Variants in EPHA6 observed in about 807,000 individuals in gnomAD.
EPHA6 encodes EPH receptor A6, also known as ephrin type-A receptor 6.
A neutral mutation model predicts 112.0 loss-of-function variants in EPHA6; 50 were observed. That is an observed-to-expected ratio of 0.45 (90% CI 0.36 to 0.56). The LOEUF (loss-of-function observed/expected upper bound fraction) is 0.56, where lower values mean the gene tolerates loss of function less well. Ranked by LOEUF, EPHA6 falls within the 20% of genes least tolerant of loss-of-function variation. The pLI is 0.00. For synonymous variants in EPHA6, 529 were observed against 490.7 expected (o/e 1.08, Z -1.03); for missense variants, 1,280 against 1,417.4 (o/e 0.90, Z 1.56).
intron 3 of EPHA6, among the ~76,000 whole-genome samples, chr3:97,129,137 G>C (rs2048265193): frequency 6.6e-6 from 1 of 151,974 alleles, no homozygotes; most frequent in Admixed American, 6.6e-5. Flanking sequence ...GATTATAGGA[G>C]TGAGCCACCG....
intron 3 of EPHA6, among the ~76,000 whole-genome samples, chr3:97,128,935 G>A (rs1285987649): frequency 1.4e-5 from 2 of 146,168 alleles, no homozygotes; most frequent in Non-Finnish European, 3.0e-5. Context: ...GTGCAGTGGT[G>A]CAACCTCAGC....
chr3:97,098,100 A>G (rs546713167), intron 3 of EPHA6, among the ~76,000 whole-genome samples: 1 of 152,036 alleles, frequency 6.6e-6, no homozygotes, highest in East Asian at 1.9e-4. Context: ...GTTGGAATTA[A>G]CAAAGTTCTC....
intron 2 of EPHA6, among the ~76,000 whole-genome samples, chr3:96,887,249 CTGT>C (rs1177696513): frequency 6.6e-6 from 1 of 152,118 alleles, no homozygotes; most frequent in Non-Finnish European, 1.5e-5. Context: ...AGGCTGAAGG[CTGT>C]TGTTCAGATT....
At chr3:97,628,131 G>T (rs979742559) in intron 13 of EPHA6, among the ~76,000 whole-genome samples, 2 of 152,006 alleles carry the variant, frequency 1.3e-5, no homozygotes, top group Non-Finnish European at 2.9e-5. Context: ...ACAAATAGAT[G>T]CAGGGAAATT....
chr3:97,402,253 T>C (rs2087038074), intron 5 of EPHA6, among the ~76,000 whole-genome samples: 2 of 152,188 alleles, frequency 1.3e-5, no homozygotes, highest in East Asian at 1.9e-4. Flanking sequence ...GAGTAGGGTG[T>C]TGAAGTCCCC....
intron 3 of EPHA6, among the ~76,000 whole-genome samples, chr3:97,003,745 G>A (rs2043763914): frequency 1.3e-5 from 2 of 151,970 alleles, no homozygotes; most frequent in African/African-American, 4.8e-5. Flanking sequence ...TGCCATGGTG[G>A]TTTGCTGCCC....
In EPHA6 at chr3:97,622,457, C is replaced by A. The variant is rs76629569; in HGVS notation, c.2574+11603C>A. Among the ~76,000 whole-genome samples, 6 of 151,794 alleles carry A rather than the reference C, an allele frequency of 4.0e-5. No individual in the cohort carries two copies. In the East Asian group the frequency reaches 7.8e-4, roughly 20 times the overall value. ...TCTTTTTAAGGATAAATGATATTCC[C>A]TTGTATGTATATGCCACATTTTGCT... On this transcript the variant is annotated intron_variant, in intron 13 of 17. Transcript: ENST00000389672.
intron 3 of EPHA6, among the ~76,000 whole-genome samples, chr3:97,189,745 T>G (rs1486981007): frequency 6.6e-6 from 1 of 152,132 alleles, no homozygotes; most frequent in Non-Finnish European, 1.5e-5. Context: ...CTACTTTTCT[T>G]CATTTCAAAT....
At chr3:97,425,362 G>A (rs977348868) in intron 6 of EPHA6, among the ~76,000 whole-genome samples, 8 of 152,212 alleles carry the variant, frequency 5.3e-5, no homozygotes, top group South Asian at 2.1e-4. Context: ...AAATATAGGC[G>A]GAGGCTCCCA....
At chr3:97,483,095 A>C (rs551852548) in intron 9 of EPHA6, among the ~76,000 whole-genome samples, 2 of 152,360 alleles carry the variant, frequency 1.3e-5, no homozygotes, top group Admixed American at 6.5e-5. Flanking sequence ...TTCTCTAAAA[A>C]AAGCAGAGAA....
At chr3:97,215,237 C>T (rs2077998969) in intron 3 of EPHA6, among the ~76,000 whole-genome samples, 1 of 152,178 alleles carries the variant, frequency 6.6e-6, no homozygotes, top group African/African-American at 2.4e-5. Context: ...ACACTGCTAA[C>T]AATATATAGT....
At chr3:97,412,816 T>C (rs1465402137) in intron 6 of EPHA6, among the ~76,000 whole-genome samples, 1 of 152,016 alleles carries the variant, frequency 6.6e-6, no homozygotes, top group Admixed American at 6.6e-5. Context: ...ATGTCCACTT[T>C]CTGTTAAAGA....
chr3:97,760,549 AAGATAT>A lies in EPHA6; in HGVS notation c.*11853_*11858del, dbSNP rs2036136262. The A allele has an allele frequency of 2.0e-5, 2 of 101,672 alleles. No individual in the cohort carries two copies. The highest frequency in any genetic ancestry group is 3.6e-5 in the African/African-American group (1 of 27,428). 6.3% of individuals were successfully genotyped at this position (101,672 alleles called of 1,614,324 possible). A position where few individuals can be genotyped will look rare whatever the true frequency, so the allele number is the denominator to read the frequency against. On this transcript the variant is annotated 3_prime_UTR_variant, in exon 18 of 18. Coordinates refer to ENST00000389672, the MANE Select transcript of EPHA6 (RefSeq NM_001080448.3). The stretch of plus-strand genomic sequence containing the variant: ...CTGTTCTAGCATAGCCAAAAATATA[AAGATAT>A]AGATGTACATATACATATGTATTTG...
chr3:97,599,987 C>T (rs2093629635), intron 12 of EPHA6, among the ~76,000 whole-genome samples: 1 of 152,030 alleles, frequency 6.6e-6, no homozygotes, highest in Admixed American at 6.5e-5. Flanking sequence ...CTTCACATCC[C>T]TTTAAGTTGG....
intron 3 of EPHA6, among the ~76,000 whole-genome samples, chr3:97,148,198 C>T (rs1323609669): frequency 6.6e-6 from 1 of 152,042 alleles, no homozygotes; most frequent in Non-Finnish European, 1.5e-5. Flanking sequence ...AGGTTGGTCA[C>T]ATGGCTTATG....
At chr3:96,962,628 C>CAAAA (rs1559626119) in intron 2 of EPHA6, among the ~76,000 whole-genome samples, 4 of 150,388 alleles carry the variant, frequency 2.7e-5, no homozygotes, top group African/African-American at 9.9e-5. Context: ...TGCACTGTCC[C>CAAAA]TTTTAAGCTT....
Position 97,502,609 on chromosome 3 carries a change from A to T in EPHA6, c.2200+18550A>T, listed in dbSNP as rs186314226. Among the ~76,000 whole-genome samples the T allele has an allele frequency of 6.5e-3, 991 of 151,300 alleles. 19 individuals carry two copies. The highest frequency in any genetic ancestry group is 0.022 in the African/African-American group (911 of 41,214). ...TAGCACTTTGGGAGACCAAGATGGG[A>T]GGATCACGAGGTCAGGAGATCGAGA... is the stretch of plus-strand genomic sequence containing the variant. On this transcript the variant is annotated intron_variant, in intron 10 of 17. Coordinates refer to ENST00000389672, the MANE Select transcript of EPHA6 (RefSeq NM_001080448.3).
At chr3:96,985,461 TGTG>T (rs2042985585) in intron 2 of EPHA6, among the ~76,000 whole-genome samples, 2 of 152,150 alleles carry the variant, frequency 1.3e-5, no homozygotes, top group South Asian at 4.1e-4. Flanking sequence ...ATGATTATAT[TGTG>T]GTTCCAATGA....
intron 5 of EPHA6, among the ~76,000 whole-genome samples, chr3:97,331,754 T>C (rs2082809435): frequency 6.6e-6 from 1 of 152,116 alleles, no homozygotes; most frequent in African/African-American, 2.4e-5. Context: ...CAATAATTAA[T>C]AGCTTACCAA....
Sources: gnomAD v4.1 joint callset for allele counts (sites outside exome capture counted in the v4.1 genomes callset) on GRCh38, gnomAD v4.1.1 for gene constraint, MANE v1.5 for transcripts, NCBI Gene and HGNC (gene_info 2026-07-23, HGNC 2026-07-21) for gene names.